Variants in ABCA13 observed in about 807,000 individuals in gnomAD.
The protein encoded by ABCA13 is ATP-binding cassette sub-family A member 13.
A neutral mutation model predicts 478.7 loss-of-function variants in ABCA13; 476 were observed. That is an observed-to-expected ratio of 0.99 (90% CI 0.92 to 1.07). The LOEUF (loss-of-function observed/expected upper bound fraction) is 1.07, where lower values mean the gene tolerates loss of function less well. Ranked by LOEUF, ABCA13 falls within the 50% of genes least tolerant of loss-of-function variation. The pLI is 0.00. For synonymous variants in ABCA13, 2,252 were observed against 2,158.9 expected (o/e 1.04, Z -1.20); for missense variants, 6,060 against 5,910.6 (o/e 1.03, Z -0.83).
At chr7:48,205,016 C>G (rs1784745560) in intron 3 of ABCA13, among the ~76,000 whole-genome samples, 1 of 152,226 alleles carries the variant, frequency 6.6e-6, no homozygotes, top group Admixed American at 6.5e-5. Flanking sequence ...CATTTTAGGG[C>G]TGGGTCTCTG....
intron 31 of ABCA13, among the ~76,000 whole-genome samples, chr7:48,366,528 A>T (rs1811698882): frequency 6.6e-6 from 1 of 152,044 alleles, no homozygotes; most frequent in African/African-American, 2.4e-5. Flanking sequence ...TTGGCTCATA[A>T]TTCTGGCAGG....
chr7:48,455,214 C>A lies in ABCA13; in HGVS notation c.12743C>A (p.Pro4248His), dbSNP rs1195943929. 1 of 1,598,924 alleles carries A rather than the reference C, an allele frequency of 6.3e-7. No homozygotes were observed. The highest frequency in any genetic ancestry group is 1.7e-5 in the Admixed American group (1 of 58,260). The change falls in exon 43 of 62, where the codon CCC becomes CAC. Residue 4248 changes from proline (P) to histidine (H), a missense_variant. By Grantham distance (77) the Pro-to-His change is moderately conservative (BLOSUM62 -2). Transcript: ENST00000435803. Reference sequence around the variant, plus strand: ...GCCATGGGCTTGTTCATGGTGAGACCCCTGGCCACCGAGTACCCTCCCCTC... The same window carrying A: ...GCCATGGGCTTGTTCATGGTGAGACACCTGGCCACCGAGTACCCTCCCCTC... The part of the protein sequence containing the change: ...ALAMGLFMVR[P>H]LATEYPPLRL...
chr7:48,328,491 T>C lies in ABCA13; in HGVS notation c.10000-6931T>C, dbSNP rs151215760. On this transcript the variant is annotated intron_variant, in intron 27 of 61. Coordinates refer to ENST00000435803, the MANE Select transcript of ABCA13 (RefSeq NM_152701.5). ...TTGTTTGATATAACCTCCTATAAAATAGCAGTTCTCTAAGACAGCAGTATC... is the reference window on the plus strand; with the variant it reads ...TTGTTTGATATAACCTCCTATAAAACAGCAGTTCTCTAAGACAGCAGTATC... Among the ~76,000 whole-genome samples the C allele has an allele frequency of 2.1e-3, 315 of 152,234 alleles. 2 individuals are homozygous for C. The highest frequency in any genetic ancestry group is 7.3e-3 in the African/African-American group (304 of 41,526).
intron 15 of ABCA13, among the ~76,000 whole-genome samples, chr7:48,258,804 T>C (rs1189975164): frequency 2.6e-5 from 4 of 152,140 alleles, no homozygotes; most frequent in African/African-American, 9.7e-5. Flanking sequence ...AGATTCTTTG[T>C]TGTATCTTTG....
intron 6 of ABCA13, 129 bp from the exon 7 acceptor site, chr7:48,229,696 A>G (rs1788766897): frequency 9.4e-7 from 1 of 1,060,598 alleles, no homozygotes; most frequent in Non-Finnish European, 1.4e-6. Context: ...GCTGACATGT[A>G]AATGGTCCAG....
chr7:48,219,107 A>G (rs1341036081), intron 3 of ABCA13, among the ~76,000 whole-genome samples: 1 of 152,242 alleles, frequency 6.6e-6, no homozygotes, highest in African/African-American at 2.4e-5. Flanking sequence ...TAAACATAAA[A>G]TGGCTAAGCT....
intron 2 of ABCA13, among the ~76,000 whole-genome samples, chr7:48,196,075 TAAG>T (rs750617006): frequency 6.6e-6 from 1 of 152,148 alleles, no homozygotes; most frequent in Non-Finnish European, 1.5e-5. Context: ...TCAGGACTGA[TAAG>T]AAGCCTCAAA....
Position 48,295,854 on chromosome 7 carries a change from A to G in ABCA13, c.9110A>G (p.His3037Arg), listed in dbSNP as rs148629439. 282 of 1,611,440 alleles carry G rather than the reference A, an allele frequency of 1.7e-4. No individual in the cohort carries two copies. In the East Asian group the frequency reaches 5.5e-3, roughly 31 times the overall value. ...CCGAGGCTGGAGACGGTGCAGCAGC[A>G]CTTGTACATGTATGCTCTGATATTC... ...SQPRLETVQQ[H>R]LYMLAKSLEE... The change falls in exon 21 of 62, where the codon CAC (histidine) becomes CGC (arginine). Residue 3037 changes from histidine to arginine, a missense_variant. This residue lies in a region of ABCA13 where 4,423 missense variants were observed against 4,309.1 expected (regional missense o/e 1.03). Coordinates refer to ENST00000435803, the MANE Select transcript of ABCA13 (RefSeq NM_152701.5).
chr7:48,248,190 A>G, intron 13 of ABCA13, 49 bp from the exon 14 acceptor site: 1 of 1,501,864 alleles, frequency 6.7e-7, no homozygotes, highest in Non-Finnish European at 9.1e-7. Context: ...AAATACCCAC[A>G]TCTGAATTGC....
chr7:48,438,223 C>A (rs1378000861), intron 42 of ABCA13, among the ~76,000 whole-genome samples: 1 of 152,132 alleles, frequency 6.6e-6, no homozygotes, highest in African/African-American at 2.4e-5. Flanking sequence ...TGAGCCATTT[C>A]TTTGACCCCA....
At chr7:48,347,443 G>T (rs1452272471) in intron 29 of ABCA13, among the ~76,000 whole-genome samples, 3 of 152,194 alleles carry the variant, frequency 2.0e-5, no homozygotes, top group African/African-American at 7.2e-5. Flanking sequence ...ATGCAACAAG[G>T]CACCGTCAGC....
chr7:48,396,759 A>C (rs532209850), intron 38 of ABCA13, among the ~76,000 whole-genome samples: 1 of 151,874 alleles, frequency 6.6e-6, no homozygotes, highest in South Asian at 2.1e-4. Context: ...TTTAAAATGC[A>C]CTCTCGGAAC....
At position 48,275,078 on chromosome 7, in the gene ABCA13, A is replaced by T. The variant is rs1387685249; in HGVS notation, c.5412A>T (p.Leu1804Phe). The T allele has an allele frequency of 6.2e-7, 1 of 1,613,194 alleles. No homozygotes were observed. Among genetic ancestry groups the T allele is most frequent in the African/African-American group, 1.3e-5 (1 of 74,932 alleles). Residue 1804 changes from leucine to phenylalanine, a missense_variant, in exon 17 of 62, where the codon TTA (leucine) becomes TTT (phenylalanine). By Grantham distance (22) the Leu-to-Phe change is conservative. Around this residue, in one of 3 missense-constraint regions of ABCA13, gnomAD observed 4,423 missense variants for 4,309.1 expected, o/e 1.03. Transcript: ENST00000435803. ...AAATTCTTTTGGATACAATTGAATT[A>T]GTATCAGATAAGCCAGATATTATTT... is the stretch of plus-strand genomic sequence containing the variant. ...VIKILLDTIELVSDKPDIISE... is the reference protein window; with the variant it reads ...VIKILLDTIEFVSDKPDIISE...
At chr7:48,203,737 T>C (rs977288725) in intron 3 of ABCA13, among the ~76,000 whole-genome samples, 12 of 152,224 alleles carry the variant, frequency 7.9e-5, no homozygotes, top group African/African-American at 2.7e-4. Flanking sequence ...GAATGTGCTG[T>C]CTAAACCCGA....
intron 38 of ABCA13, among the ~76,000 whole-genome samples, chr7:48,394,365 G>A (rs1816521736): frequency 6.6e-6 from 1 of 152,148 alleles, no homozygotes; most frequent in South Asian, 2.1e-4. Context: ...ACACTGAACA[G>A]GCCCTTCGCT....
At chr7:48,449,368 G>C (rs1003745436) in intron 42 of ABCA13, among the ~76,000 whole-genome samples, 1 of 149,944 alleles carries the variant, frequency 6.7e-6, no homozygotes, top group Non-Finnish European at 1.5e-5. Context: ...GATTTTATTG[G>C]CTCTCTACTT....
intron 41 of ABCA13, among the ~76,000 whole-genome samples, chr7:48,423,712 A>T (rs1009251231): frequency 3.9e-5 from 6 of 152,246 alleles, no homozygotes; most frequent in African/African-American, 1.2e-4. Flanking sequence ...TGGATACACC[A>T]TAGGCATTGC....
chr7:48,253,612 A>G (rs1428988727), intron 15 of ABCA13, among the ~76,000 whole-genome samples: 1 of 152,144 alleles, frequency 6.6e-6, no homozygotes, highest in East Asian at 1.9e-4. Flanking sequence ...TTGCCTCCCA[A>G]GTAGCTGGGA....
intron 58 of ABCA13, among the ~76,000 whole-genome samples, chr7:48,603,339 G>A (rs1034234690): frequency 2.0e-5 from 3 of 152,030 alleles, no homozygotes; most frequent in Admixed American, 6.5e-5. Context: ...TAGGTTTTGC[G>A]CATTCAATAT....
Sources: gnomAD v4.1 joint callset for allele counts (sites outside exome capture counted in the v4.1 genomes callset) on GRCh38, gnomAD v4.1.1 for gene constraint, gnomAD v4.1.1 regional missense constraint, MANE v1.5 for transcripts, NCBI Gene and HGNC (gene_info 2026-07-23, HGNC 2026-07-21) for gene names.